P2RY8: variants seen among roughly 807,000 people sequenced by gnomAD.
P2RY8 encodes the protein P2Y receptor family member 8.
A neutral mutation model predicts 10.0 loss-of-function variants in P2RY8; 6 were observed. That is an observed-to-expected ratio of 0.60 (90% CI 0.33 to 1.19). The LOEUF is 1.19. Ranked by LOEUF, P2RY8 falls within the 50% of genes most tolerant of loss-of-function variation. P2RY8 has a pLI of 0.04. For synonymous variants in P2RY8, 276 were observed against 252.5 expected, an observed-to-expected ratio of 1.09 and a Z score of -0.88; for missense variants, 456 against 542.0, an observed-to-expected ratio of 0.84 and a Z score of 1.58.
chrX:1,532,307 CATAT>C (rs1232981318), intron 1 of P2RY8, among the ~76,000 whole-genome samples: 5 of 32,694 alleles, frequency 1.5e-4, no homozygotes, highest in African/African-American at 2.8e-4. Context: ...ATATGTGTGC[CATAT>C]ATATACACAC....
rs1217797767 is a variant in P2RY8 at position 1,466,497 on chromosome X, G to A, written c.62C>T (p.Ala21Val). Residue 21 changes from alanine (A) to valine (V), a missense_variant, in exon 2 of 2, where the codon GCG becomes GTG. Coordinates refer to ENST00000381297, the MANE Select transcript of P2RY8 (RefSeq NM_178129.5). The part of the protein sequence containing the change: ...NATLQMLRNP[A>V]IAVALPVVYS... Reference sequence around the variant, plus strand: ...CACCACGGGCAGGGCCACCGCGATCGCCGGGTTCCGCAGCATCTGCAGCGT... The same window carrying A: ...CACCACGGGCAGGGCCACCGCGATCACCGGGTTCCGCAGCATCTGCAGCGT... The A allele has an allele frequency of 1.9e-6, 3 of 1,611,064 alleles. No individual in the cohort carries two copies. Among genetic ancestry groups the A allele is most frequent in the South Asian group, 2.2e-5 (2 of 90,968 alleles).
At chrX:1,480,360 C>G (rs1271388877) in intron 1 of P2RY8, among the ~76,000 whole-genome samples, 1 of 149,916 alleles carries the variant, frequency 6.7e-6, no homozygotes, top group Non-Finnish European at 1.5e-5. Flanking sequence ...TGCAGTGGCA[C>G]GACCTTGGCT....
intron 1 of P2RY8, among the ~76,000 whole-genome samples, chrX:1,526,784 T>C (rs2092443105): frequency 6.6e-6 from 1 of 152,234 alleles, no homozygotes; most frequent in Non-Finnish European, 1.5e-5. Flanking sequence ...AATTCATTTA[T>C]CCATGTGTTT....
intron 1 of P2RY8, among the ~76,000 whole-genome samples, chrX:1,531,092 A>ATCTATCTG (rs1556687300): frequency 1.3e-5 from 2 of 151,666 alleles, no homozygotes; most frequent in African/African-American, 4.8e-5. Flanking sequence ...CTATCTATCT[A>ATCTATCTG]TCTATCTAAT....
At chrX:1,493,380 GGAA>G (rs2092076594) in intron 1 of P2RY8, among the ~76,000 whole-genome samples, 1 of 65,944 alleles carries the variant, frequency 1.5e-5, no homozygotes, top group Admixed American at 1.6e-4. Flanking sequence ...GGAGGAAGGA[GGAA>G]GGAGGGAGGG....
At chrX:1,487,836 C>T (rs767730794) in intron 1 of P2RY8, among the ~76,000 whole-genome samples, 5 of 152,298 alleles carry the variant, frequency 3.3e-5, no homozygotes, top group Admixed American at 6.5e-5. Context: ...CCGGGCCAGG[C>T]GCGGTGGCTC....
intron 1 of P2RY8, among the ~76,000 whole-genome samples, chrX:1,487,073 C>T (rs1301341029): frequency 4.6e-5 from 7 of 152,238 alleles, no homozygotes; most frequent in Non-Finnish European, 1.0e-4. Context: ...CTGCGCAAGC[C>T]TTCCCTGTCT....
intron 1 of P2RY8, among the ~76,000 whole-genome samples, chrX:1,497,515 G>A (rs1267026710): frequency 4.0e-5 from 6 of 150,274 alleles, no homozygotes; most frequent in Admixed American, 2.7e-4. Flanking sequence ...CAAATTAGCC[G>A]GGCATGGTGG....
chrX:1,469,884 C>G (rs1440270231), intron 1 of P2RY8, among the ~76,000 whole-genome samples: 1 of 152,026 alleles, frequency 6.6e-6, no homozygotes, highest in Non-Finnish European at 1.5e-5. Flanking sequence ...GCCTGGGCAA[C>G]AGAGCGAGAC....
chrX:1,483,111 A>T (rs1430692475), intron 1 of P2RY8, among the ~76,000 whole-genome samples: 1 of 152,226 alleles, frequency 6.6e-6, no homozygotes, highest in African/African-American at 2.4e-5. Context: ...AATTATTTTA[A>T]TTTAAATAAA....
chrX:1,531,055 TG>T lies in P2RY8; in HGVS notation c.-25+5865del, dbSNP rs1419918189. Reference sequence around the variant, plus strand: ...TATCTATTTATCGATTCTATCTATCTGTCTGTCTGTCTGTCTATCTATCTAT... The same window carrying T: ...TATCTATTTATCGATTCTATCTATCTTCTGTCTGTCTGTCTATCTATCTAT... On this transcript the variant is annotated intron_variant, in intron 1 of 1. Transcript: ENST00000381297. 4.8e-5 allele frequency among the ~76,000 whole-genome samples: 6 copies of T among 126,168 alleles called. No homozygotes were observed. The East Asian group carries it at 1.0e-3, about 22-fold the overall frequency. 82.8% of individuals were successfully genotyped at this position (126,168 alleles called of 152,430 possible). A position where few individuals can be genotyped will look rare whatever the true frequency, so the allele number is the denominator to read the frequency against.
At chrX:1,524,732 T>C (rs1182463609) in intron 1 of P2RY8, among the ~76,000 whole-genome samples, 55 of 70,168 alleles carry the variant, frequency 7.8e-4, no homozygotes, top group African/African-American at 1.1e-3. Flanking sequence ...CATCCATCCA[T>C]ACATCCATGC....
At chrX:1,482,293 GAA>G (rs770409627) in intron 1 of P2RY8, among the ~76,000 whole-genome samples, 37 of 129,784 alleles carry the variant, frequency 2.9e-4, no homozygotes, top group South Asian at 1.8e-3. Flanking sequence ...GCCATTTGGT[GAA>G]AAAAAAAAAA....
At chrX:1,478,273 G>GTGTGTGTGTGTGTGTGTGCA (rs539376483) in intron 1 of P2RY8, among the ~76,000 whole-genome samples, 26,252 of 132,554 alleles carry the variant, frequency 0.2, 2,582 homozygotes, top group South Asian at 0.24. Flanking sequence ...GTGTGTGTGT[G>GTGTGTGTGTGTGTGTGTGCA]CCCAGCAGGG....
intron 1 of P2RY8, among the ~76,000 whole-genome samples, chrX:1,496,355 T>G (rs1464991297): frequency 6.6e-6 from 1 of 152,164 alleles, no homozygotes; most frequent in Admixed American, 6.5e-5. Context: ...TATTCACAAT[T>G]GTTCAGTGGC....
At chrX:1,479,250 T>C (rs1466122781) in intron 1 of P2RY8, among the ~76,000 whole-genome samples, 1 of 152,244 alleles carries the variant, frequency 6.6e-6, no homozygotes, top group African/African-American at 2.4e-5. Flanking sequence ...GTAAGTTTTA[T>C]TTTGCATAGT....
chrX:1,495,375 G>T (rs1157916740), intron 1 of P2RY8, among the ~76,000 whole-genome samples: 5 of 152,086 alleles, frequency 3.3e-5, no homozygotes, highest in African/African-American at 1.2e-4. Flanking sequence ...GTAAAATGAG[G>T]TCACCAGGAG....
At chrX:1,531,442 G>A (rs1377302277) in intron 1 of P2RY8, among the ~76,000 whole-genome samples, 9 of 152,232 alleles carry the variant, frequency 5.9e-5, no homozygotes, top group East Asian at 5.8e-4. Context: ...CGTAAACAAT[G>A]TCCAGGCCCC....
chrX:1,487,667 A>C (rs2091998668), intron 1 of P2RY8, among the ~76,000 whole-genome samples: 1 of 152,168 alleles, frequency 6.6e-6, no homozygotes, highest in Non-Finnish European at 1.5e-5. Flanking sequence ...TTCAGGGACC[A>C]TACTGCATAC....
Sources: gnomAD v4.1 joint callset for allele counts (sites outside exome capture counted in the v4.1 genomes callset) on GRCh38, gnomAD v4.1.1 for gene constraint, MANE v1.5 for transcripts, NCBI Gene and HGNC (gene_info 2026-07-23, HGNC 2026-07-21) for gene names.